ELFN2: variants seen among roughly 807,000 people sequenced by gnomAD.
ELFN2 encodes extracellular leucine rich repeat and fibronectin type III domain containing 2.
In ELFN2, 17 loss-of-function variants were observed where a neutral mutation model predicts 45.5. That is an observed-to-expected ratio of 0.37 (90% confidence interval 0.26 to 0.56). ELFN2 has a LOEUF of 0.56. Ranked by LOEUF, ELFN2 falls within the 20% of genes least tolerant of loss-of-function variation. ELFN2 has a pLI of 0.77. For missense variants in ELFN2, 922 were observed against 1,183.2 expected (o/e 0.78, Z 3.24); for synonymous variants, 550 against 551.5 (o/e 1.00, Z 0.04).
At chr22:37,367,345 G>A (rs959110264), downstream of ELFN2, among the ~76,000 whole-genome samples, 2 of 152,216 alleles carry the variant, frequency 1.3e-5, no homozygotes, top group Non-Finnish European at 2.9e-5. Context: ...AAGCCCCGAA[G>A]GACCAGAGAG....
Position 37,392,812 on chromosome 22 carries a change from T to A in ELFN2, c.-462-16816A>T, listed in dbSNP as rs182233803. Among the ~76,000 whole-genome samples, 497 of 152,286 alleles carry A rather than the reference T, an allele frequency of 3.3e-3. 4 individuals are homozygous for A. The highest frequency in any genetic ancestry group is 0.011 in the African/African-American group (472 of 41,538). On this transcript the variant is annotated intron_variant, in intron 2 of 2. Coordinates refer to ENST00000402918, the MANE Select transcript of ELFN2 (RefSeq NM_052906.5). ...CTCTGGTTGGTTAATGCCCATCTGT[T>A]CCCTGGTTTATCCGACTTCCCAGAT...
rs746669142 is a variant in ELFN2, at chr22:37,373,623, T to C, written c.1912A>G (p.Lys638Glu). Residue 638 changes from lysine (K) to glutamate (E), a missense_variant, in exon 3 of 3, where the codon AAG becomes GAG. Lys to Glu is a moderately conservative substitution (Grantham distance 56, BLOSUM62 1). Around this residue, in one of 2 missense-constraint regions of ELFN2, gnomAD observed 564 missense variants for 642.8 expected, o/e 0.88. Coordinates refer to ENST00000402918, the MANE Select transcript of ELFN2 (RefSeq NM_052906.5). ...TCSVSSSGSI[K>E]SAKVFSLDVP... Reference sequence around the variant, plus strand: ...TCCAGGCTAAAGACCTTGGCGCTCTTGATGGAACCACTGGACGACACGCTG... The same window carrying C: ...TCCAGGCTAAAGACCTTGGCGCTCTCGATGGAACCACTGGACGACACGCTG... The C allele has an allele frequency of 1.2e-6, 2 of 1,601,480 alleles. No individual in the cohort carries two copies. The highest frequency in any genetic ancestry group is 1.7e-6 in the Non-Finnish European group (2 of 1,175,392).
At chr22:37,393,562 C>G (rs1932136200) in intron 2 of ELFN2, among the ~76,000 whole-genome samples, 1 of 152,222 alleles carries the variant, frequency 6.6e-6, no homozygotes, top group South Asian at 2.1e-4. Context: ...CAGCACCCAG[C>G]ACTTCCTGAG....
intron 1 of ELFN2, among the ~76,000 whole-genome samples, chr22:37,355,408 C>T (rs1930924709): frequency 6.6e-6 from 1 of 152,238 alleles, no homozygotes; most frequent in African/African-American, 2.4e-5. Flanking sequence ...TGGTCACAGC[C>T]CACACCTGAC....
intron 2 of ELFN2, among the ~76,000 whole-genome samples, chr22:37,396,887 G>C (rs80191523): frequency 6.6e-6 from 1 of 152,174 alleles, no homozygotes; most frequent in Non-Finnish European, 1.5e-5. Flanking sequence ...CAGCCTCCAA[G>C]TCCATGCCAG....
At chr22:37,343,892 G>A (rs1298070007) in intron 1 of ELFN2, among the ~76,000 whole-genome samples, 4 of 151,806 alleles carry the variant, frequency 2.6e-5, no homozygotes, top group African/African-American at 9.7e-5. Flanking sequence ...TCCTCCTGAT[G>A]CCCCTCACAC....
intron 2 of ELFN2, among the ~76,000 whole-genome samples, chr22:37,382,114 G>A (rs145385711): frequency 1.3e-5 from 2 of 152,216 alleles, no homozygotes; most frequent in East Asian, 1.9e-4. Context: ...TTACAGGCAA[G>A]GAACTGAAAC....
chr22:37,404,322 G>A (rs1176631371), intron 2 of ELFN2, among the ~76,000 whole-genome samples: 3 of 152,148 alleles, frequency 2.0e-5, no homozygotes, highest in Non-Finnish European at 4.4e-5. Context: ...ACTTGGTGCA[G>A]GCAAGGACAG....
At chr22:37,398,746 C>T (rs1426747201) in intron 2 of ELFN2, among the ~76,000 whole-genome samples, 1 of 151,166 alleles carries the variant, frequency 6.6e-6, no homozygotes, top group East Asian at 1.9e-4. Context: ...CGCAGGCGTG[C>T]ACACACACGC....
At chr22:37,415,972 T>A (rs977527510) in intron 2 of ELFN2, among the ~76,000 whole-genome samples, 71 of 151,868 alleles carry the variant, frequency 4.7e-4, no homozygotes, top group Non-Finnish European at 2.8e-4. Flanking sequence ...CAAAAAAAAA[T>A]AATAATAATG....
Position 37,373,895 on chromosome 22 carries a change from A to T in ELFN2, c.1640T>A (p.Ile547Asn), listed in dbSNP as rs1257120219. ...GAGAGCATCGATGCAGTTGTTAATG[A>T]TCTGGTTGACCTTGTCCACCTCCTT... ...IAKEVDKVNQ[I>N]INNCIDALKL... is the part of the protein sequence containing the mutation. The change falls in exon 3 of 3, where the codon ATC (isoleucine) becomes AAC (asparagine). Residue 547 changes from isoleucine to asparagine, a missense_variant. Ile to Asn is a moderately radical substitution (Grantham distance 149). Transcript: ENST00000402918. 1 of 1,613,326 alleles carries T rather than the reference A, an allele frequency of 6.2e-7. No individual in the cohort carries two copies.
Position 37,373,388 on chromosome 22 carries a change from T to C in ELFN2, c.2147A>G (p.Tyr716Cys). ...SEHRHSFPAL[Y>C]YEEGADSLSQ... ...CAGGCTGTCGGCACCCTCCTCGTAGTACAGGGCGGGAAAGCTGTGCCGGTG... is the reference window on the plus strand; with the variant it reads ...CAGGCTGTCGGCACCCTCCTCGTAGCACAGGGCGGGAAAGCTGTGCCGGTG... Residue 716 changes from tyrosine to cysteine, a missense_variant, in exon 3 of 3, where the codon TAC (tyrosine) becomes TGC (cysteine). Around this residue, in one of 2 missense-constraint regions of ELFN2, gnomAD observed 564 missense variants for 642.8 expected, o/e 0.88. Coordinates refer to ENST00000402918, the MANE Select transcript of ELFN2 (RefSeq NM_052906.5). 6.2e-7 allele frequency: 1 copy of C among 1,608,728 alleles called. No homozygotes were observed. Among genetic ancestry groups the C allele is most frequent in the East Asian group, 2.2e-5 (1 of 44,692 alleles).
chr22:37,381,955 CAAAAAAAAAAAAAAAAAA>C (rs1159476533), intron 2 of ELFN2, among the ~76,000 whole-genome samples: 12 of 59,236 alleles, frequency 2.0e-4, no homozygotes, highest in South Asian at 2.0e-3. Context: ...GACTCCGTCT[CAAAAAAAAAAAAAAAAAA>C]AAAAAAAAAA....
chr22:37,392,796 G>T (rs778017216), intron 2 of ELFN2, among the ~76,000 whole-genome samples: 4 of 152,140 alleles, frequency 2.6e-5, no homozygotes, highest in Non-Finnish European at 4.4e-5. Flanking sequence ...CCTCTGGTTG[G>T]TTAATGCCCA....
At chr22:37,363,024 C>G (rs1343970080), downstream of ELFN2, among the ~76,000 whole-genome samples, 1 of 152,174 alleles carries the variant, frequency 6.6e-6, no homozygotes, top group African/African-American at 2.4e-5. Flanking sequence ...CAGGGCCCCC[C>G]GAGGTACCGA....
At position 37,375,870 on chromosome 22, in the gene ELFN2, C is replaced by CCTT. The variant is rs1321106518; in HGVS notation, c.-337_-336insAAG. ...TCCTCCTCCTCCTCCTCCTCCTCCTCGTCTTCCTCCTTGGCTTCCGGGCTC... is the reference window on the plus strand; with the variant it reads ...TCCTCCTCCTCCTCCTCCTCCTCCTCCTTGTCTTCCTCCTTGGCTTCCGGGCTC... On this transcript the variant is annotated 5_prime_UTR_variant, in exon 3 of 3. Transcript: ENST00000402918. 1.8e-5 allele frequency: 7 copies of CCTT among 399,364 alleles called. No individual in the cohort carries two copies. The highest frequency in any genetic ancestry group is 9.7e-5 in the East Asian group (2 of 20,600). The allele number at this position is 399,364 out of a possible 1,614,324, so 24.7% of individuals were successfully genotyped here. A position where few individuals can be genotyped will look rare whatever the true frequency, so the allele number is the denominator to read the frequency against.
intron 1 of ELFN2, among the ~76,000 whole-genome samples, chr22:37,357,986 C>T (rs1250521465): frequency 1.3e-5 from 2 of 152,132 alleles, no homozygotes; most frequent in African/African-American, 4.8e-5. Context: ...GAAAAAGCCC[C>T]ATTTTCTCAC....
intron 2 of ELFN2, among the ~76,000 whole-genome samples, chr22:37,387,313 G>A (rs543765377): frequency 2.2e-4 from 33 of 152,120 alleles, no homozygotes; most frequent in South Asian, 4.1e-4. Flanking sequence ...TTATCTCAGC[G>A]TGACAGCTGT....
At chr22:37,348,304 G>C (rs1224278943) in intron 1 of ELFN2, among the ~76,000 whole-genome samples, 1 of 152,248 alleles carries the variant, frequency 6.6e-6, no homozygotes, top group African/African-American at 2.4e-5. Flanking sequence ...ACTGTGCAGA[G>C]AGCAAGAACA....
Sources: gnomAD v4.1 joint callset for allele counts (sites outside exome capture counted in the v4.1 genomes callset) on GRCh38, gnomAD v4.1.1 for gene constraint, gnomAD v4.1.1 regional missense constraint, MANE v1.5 for transcripts, NCBI Gene and HGNC (gene_info 2026-07-23, HGNC 2026-07-21) for gene names.